The following MLIP variants were observed in gnomAD, a reference collection of about 807,000 sequenced individuals.
MLIP encodes muscular LMNA interacting protein, also known as muscular LMNA-interacting protein.
A neutral mutation model predicts 84.8 loss-of-function variants in MLIP; 79 were observed. That is an observed-to-expected ratio of 0.93 (90% confidence interval 0.78 to 1.12). MLIP has a LOEUF of 1.12. MLIP is among the 50% of genes most tolerant of loss of function. The pLI is 0.00. For missense variants in MLIP, 1,257 were observed against 1,160.6 expected (o/e 1.08, Z -1.21); for synonymous variants, 504 against 463.0 (o/e 1.09, Z -1.14).
chr6:54,120,142 T>A (rs1770308048), intron 1 of MLIP, among the ~76,000 whole-genome samples: 1 of 152,214 alleles, frequency 6.6e-6, no homozygotes, highest in Non-Finnish European at 1.5e-5. Context: ...AAAAGAGAAA[T>A]CTACAGTACT....
intron 1 of MLIP, among the ~76,000 whole-genome samples, chr6:54,089,498 T>C (rs552415053): frequency 6.6e-6 from 1 of 152,260 alleles, no homozygotes; most frequent in African/African-American, 2.4e-5. Context: ...ACAGGTTAGC[T>C]GAAAGACTTG....
chr6:54,196,393 G>A (rs1403398602), intron 10 of MLIP, among the ~76,000 whole-genome samples: 3 of 152,048 alleles, frequency 2.0e-5, no homozygotes, highest in Non-Finnish European at 4.4e-5. Flanking sequence ...GTGTTCATGA[G>A]TTCTCTTTGT....
At chr6:54,111,142 C>A (rs1191168503), upstream of MLIP, among the ~76,000 whole-genome samples, 1 of 152,192 alleles carries the variant, frequency 6.6e-6, no homozygotes, top group East Asian at 1.9e-4. Flanking sequence ...TCTGGCTTTT[C>A]TCTTCTTTTC....
At chr6:54,114,769 AG>A (rs1272331484) in intron 1 of MLIP, among the ~76,000 whole-genome samples, 1 of 152,228 alleles carries the variant, frequency 6.6e-6, no homozygotes, top group Non-Finnish European at 1.5e-5. Flanking sequence ...CCCCTAGAAT[AG>A]TGCCTAGCAT....
chr6:54,234,660 C>T (rs954653426), intron 12 of MLIP, among the ~76,000 whole-genome samples: 3 of 152,188 alleles, frequency 2.0e-5, no homozygotes, highest in African/African-American at 7.2e-5. Flanking sequence ...ACTTTCACCT[C>T]TACCACTCTA....
rs551589543 is a variant in MLIP, at chr6:54,118,907, C to T, written c.97-2540C>T. ...ACACAAATGGCCAACAGGTATATGG[C>T]CAATAGGTATGAATGAAAATGATGC... On this transcript the variant is annotated intron_variant, in intron 1 of 13. Coordinates refer to ENST00000502396, the MANE Select transcript of MLIP (RefSeq NM_001281747.2). Among the ~76,000 whole-genome samples the T allele has an allele frequency of 8.9e-4, 136 of 152,032 alleles. 3 individuals are homozygous for T. Among genetic ancestry groups the T allele is most frequent in the Admixed American group, 3.1e-3 (48 of 15,266 alleles).
chr6:54,076,758 A>T (rs1482786515), intron 1 of MLIP, among the ~76,000 whole-genome samples: 1 of 152,184 alleles, frequency 6.6e-6, no homozygotes, highest in East Asian at 1.9e-4. Flanking sequence ...CTGTATTCCC[A>T]CAGTGAACAT....
At chr6:54,089,982 A>G (rs1477151805) in intron 1 of MLIP, among the ~76,000 whole-genome samples, 1 of 152,050 alleles carries the variant, frequency 6.6e-6, no homozygotes, top group Non-Finnish European at 1.5e-5. Context: ...TTTTCTGACA[A>G]TACCTCTCCC....
chr6:54,098,148 CTTTTTT>C (rs5876357), intron 1 of MLIP, among the ~76,000 whole-genome samples: 8 of 123,846 alleles, frequency 6.5e-5, no homozygotes, highest in South Asian at 4.8e-4. Context: ...ATTTTTCTTT[CTTTTTT>C]TTTTTTTTTT....
At position 54,063,946 on chromosome 6, in the gene MLIP, A is replaced by T. The variant is rs1211810801; in HGVS notation, c.63+44855A>T. 1.1e-4 allele frequency among the ~76,000 whole-genome samples: 5 copies of T among 45,108 alleles called. 2 individuals are homozygous for T. Among genetic ancestry groups the T allele is most frequent in the Admixed American group, 4.7e-4 (2 of 4,228 alleles). The allele number at this position is 45,108 out of a possible 152,430, so 29.6% of individuals were successfully genotyped here. A position where few individuals can be genotyped will look rare whatever the true frequency, so the allele number is the denominator to read the frequency against. ...TAATTTGTTTTATCAAAAACTTCCA[A>T]TTAGTGTTTAATTGGAAACAAGTTA... On this transcript the variant is annotated intron_variant, in intron 1 of 12. Coordinates refer to the MLIP transcript ENST00000274897.
intron 11 of MLIP, among the ~76,000 whole-genome samples, chr6:54,225,904 AGAG>A (rs995505469): frequency 2.6e-5 from 4 of 152,240 alleles, no homozygotes; most frequent in Non-Finnish European, 5.9e-5. Context: ...GGAAGTAAGA[AGAG>A]GAGACACAGC....
chr6:54,086,041 G>A (rs1046592464), intron 1 of MLIP, among the ~76,000 whole-genome samples: 10 of 152,002 alleles, frequency 6.6e-5, no homozygotes, highest in Admixed American at 2.6e-4. Context: ...TTTATGTGTC[G>A]TATGTCCTGG....
At chr6:54,091,118 A>C (rs1377234802) in intron 1 of MLIP, among the ~76,000 whole-genome samples, 1 of 152,036 alleles carries the variant, frequency 6.6e-6, no homozygotes, top group Admixed American at 6.6e-5. Flanking sequence ...TGACAACCAA[A>C]ATGTCTCCAG....
Position 54,202,153 on chromosome 6 carries a change from C to A in MLIP, c.2638C>A (p.Leu880Met), listed in dbSNP as rs781106582. 5 of 1,602,576 alleles carry A rather than the reference C, an allele frequency of 3.1e-6. No individual in the cohort carries two copies. Among genetic ancestry groups the A allele is most frequent in the Middle Eastern group, 1.7e-4 (1 of 6,010 alleles). ...RPVPVKSRIL[L>M]KKEEEVYEPN... is the part of the protein sequence containing the mutation. ...AGTACCTGTAAAATCCAGAATATTA[C>A]TGAAAAAAGAGGAGGAAGTCTATGA... The change falls in exon 11 of 14, where the codon CTG (leucine) becomes ATG (methionine). Residue 880 changes from leucine (L) to methionine (M), a missense_variant. Transcript: ENST00000502396.
At chr6:54,228,245 A>G (rs549623030) in intron 11 of MLIP, among the ~76,000 whole-genome samples, 2 of 150,934 alleles carry the variant, frequency 1.3e-5, no homozygotes, top group South Asian at 2.1e-4. Context: ...GAGATCGAAC[A>G]TAGGAGAGAG....
At chr6:54,189,832 T>C in intron 9 of MLIP, 38 bp from the exon 10 acceptor site, 2 of 1,453,784 alleles carry the variant, frequency 1.4e-6, no homozygotes, top group Non-Finnish European at 1.9e-6. Flanking sequence ...TAATAAATTA[T>C]GAGTTTCACT....
chr6:54,098,448 T>G (rs112014508), intron 1 of MLIP, among the ~76,000 whole-genome samples: 2,748 of 149,466 alleles, frequency 0.018, 91 homozygotes, highest in African/African-American at 0.065. Context: ...ATTACAGGAG[T>G]GAGCCACTGT....
intron 10 of MLIP, among the ~76,000 whole-genome samples, chr6:54,201,490 C>T (rs1289420191): frequency 2.6e-5 from 4 of 152,276 alleles, no homozygotes; most frequent in East Asian, 1.9e-4. Context: ...TTAAGGCTTT[C>T]CTGTAGCTTC....
At chr6:54,058,025 G>C (rs1420275835) in intron 1 of MLIP, 8 of 152,108 alleles carry the variant, frequency 5.3e-5, no homozygotes, top group Non-Finnish European at 1.0e-4. Flanking sequence ...CTAAGTTATA[G>C]TAGTCGGACT....
Sources: allele counts gnomAD v4.1 joint callset (sites outside exome capture counted in the v4.1 genomes callset), GRCh38; gene constraint gnomAD v4.1.1; transcripts MANE v1.5; gene names NCBI Gene and HGNC (gene_info 2026-07-23, HGNC 2026-07-21).